Variants in ZNF157 observed in about 807,000 individuals in gnomAD.
The protein encoded by ZNF157 is zinc finger protein 22.
ZNF157 carries 8 observed loss-of-function variants against 9.4 expected under a neutral mutation model. The observed-to-expected ratio is 0.85, with a 90% CI of 0.50 to 1.53. ZNF157 has a LOEUF of 1.53. Ranked by LOEUF, ZNF157 falls within the 40% of genes most tolerant of loss-of-function variation. The probability of loss-of-function intolerance (pLI) is 0.00; values close to 1 mark genes in which losing one functional copy is unlikely to be tolerated. For missense variants in ZNF157, 316 were observed against 385.2 expected (o/e 0.82, Z 1.50); for synonymous variants, 120 against 130.8 (o/e 0.92, Z 0.56).
rs767450303 is a variant in ZNF157 at position 47,404,439 on chromosome X, A to G, written c.73-5837A>G. On this transcript the variant is annotated intron_variant, in intron 1 of 3. Coordinates refer to ENST00000377073, the MANE Select transcript of ZNF157 (RefSeq NM_003446.4). ...CTCGGCCTCCCAAAATGCTGGGATT[A>G]CAGGCTTGAGCCACCGCACCTGGCA... Among the ~76,000 whole-genome samples, 3 of 110,577 alleles carry G rather than the reference A, an allele frequency of 2.7e-5. No homozygotes were observed. The East Asian group carries it at 8.7e-4, about 32-fold the overall frequency.
intron 1 of ZNF157, among the ~76,000 whole-genome samples, chrX:47,381,229 G>GAGGAGC (rs2055862630): frequency 9.1e-6 from 1 of 109,945 alleles, no homozygotes; most frequent in Admixed American, 9.8e-5. Flanking sequence ...GCAGGAGGAA[G>GAGGAGC]AGGAGCAGGA....
chrX:47,377,586 C>A (rs1202328900), intron 1 of ZNF157, among the ~76,000 whole-genome samples: 1 of 109,894 alleles, frequency 9.1e-6, no homozygotes, highest in African/African-American at 3.3e-5. Context: ...CATGTGCCAC[C>A]ATGCCTGGCT....
In ZNF157 at chrX:47,412,997, GA is replaced by G. The variant is rs1569261574; in HGVS notation, c.929del (p.Asn310ThrfsTer8). 1 of 1,208,512 alleles carries G rather than the reference GA, an allele frequency of 8.3e-7. No homozygotes were observed. On this transcript the variant is annotated frameshift_variant, in exon 4 of 4. Transcript: ENST00000377073. LOFTEE classifies it low-confidence loss of function (END_TRUNC). ...AACCTTATGAATGTGGGGAGTGTGGGAAAAACTTCCGTGCAAAGAAATCCCT... is the reference window on the plus strand; with the variant it reads ...AACCTTATGAATGTGGGGAGTGTGGGAAAACTTCCGTGCAAAGAAATCCCT... ...EKPYECGECG[K>X]NFRAKKSLNQ...
intron 1 of ZNF157, among the ~76,000 whole-genome samples, chrX:47,408,725 A>T (rs2055954572): frequency 8.9e-6 from 1 of 111,937 alleles, no homozygotes. Context: ...CAGCAGGCAC[A>T]TCTTACATGG....
chrX:47,411,914 T>G (rs189670057), intron 3 of ZNF157, among the ~76,000 whole-genome samples: 1 of 111,464 alleles, frequency 9.0e-6, no homozygotes, highest in East Asian at 2.8e-4. Context: ...AGAAAATCAG[T>G]GCAAGGTAAG....
chrX:47,373,831 G>T (rs1229309491), intron 1 of ZNF157, among the ~76,000 whole-genome samples: 1 of 104,234 alleles, frequency 9.6e-6, no homozygotes, highest in Admixed American at 1.1e-4. Context: ...AGGACCACAG[G>T]TGTGTGCCAC....
chrX:47,397,699 G>T, intron 1 of ZNF157, among the ~76,000 whole-genome samples: 1 of 111,882 alleles, frequency 8.9e-6, no homozygotes, highest in Non-Finnish European at 1.9e-5. Flanking sequence ...ACAGGCGTGA[G>T]CCACCGTGCC....
intron 1 of ZNF157, among the ~76,000 whole-genome samples, chrX:47,394,916 T>A (rs1417741290): frequency 9.0e-6 from 1 of 111,351 alleles, no homozygotes; most frequent in Non-Finnish European, 1.9e-5. Context: ...CTTCCCAGGC[T>A]CAAGTGATCC....
chrX:47,411,665 G>A (rs181008373), intron 3 of ZNF157, among the ~76,000 whole-genome samples: 29 of 111,216 alleles, frequency 2.6e-4, no homozygotes, highest in Admixed American at 1.5e-3. Flanking sequence ...ACCACACCTG[G>A]CAACATTTAT....
At chrX:47,402,042 C>T (rs948705139) in intron 1 of ZNF157, among the ~76,000 whole-genome samples, 7 of 111,592 alleles carry the variant, frequency 6.3e-5, no homozygotes, top group South Asian at 3.8e-4. Context: ...TGACCGAGAA[C>T]GGTAGCTTTA....
chrX:47,403,940 C>T (rs1317118187), intron 1 of ZNF157, among the ~76,000 whole-genome samples: 4 of 111,062 alleles, frequency 3.6e-5, no homozygotes, highest in African/African-American at 1.3e-4. Flanking sequence ...GAGGCCGAGG[C>T]GGGCAGATCA....
At chrX:47,375,403 C>A (rs768019471) in intron 1 of ZNF157, among the ~76,000 whole-genome samples, 15 of 110,512 alleles carry the variant, frequency 1.4e-4, no homozygotes, top group Non-Finnish European at 2.3e-4. Context: ...CAACCCCCCC[C>A]ACAACTGGTG....
intron 1 of ZNF157, among the ~76,000 whole-genome samples, chrX:47,371,697 T>A (rs894876196): frequency 9.0e-6 from 1 of 111,239 alleles, no homozygotes; most frequent in Admixed American, 9.6e-5. Flanking sequence ...AACCTCTGCT[T>A]CCCGGGTTCA....
chrX:47,398,206 T>A (rs910570634), intron 1 of ZNF157, among the ~76,000 whole-genome samples: 2 of 110,891 alleles, frequency 1.8e-5, no homozygotes, highest in Non-Finnish European at 3.8e-5. Flanking sequence ...TCACACCATA[T>A]ATTAAATGCG....
intron 1 of ZNF157, among the ~76,000 whole-genome samples, chrX:47,389,517 A>AT (rs1011705738): frequency 1.8e-5 from 2 of 111,421 alleles, no homozygotes; most frequent in Non-Finnish European, 3.8e-5. Flanking sequence ...TGCCTGGCTA[A>AT]TTTTTTAATT....
chrX:47,400,848 G>T (rs1323105561), intron 1 of ZNF157, among the ~76,000 whole-genome samples: 2 of 110,844 alleles, frequency 1.8e-5, no homozygotes, highest in Non-Finnish European at 3.8e-5. Context: ...GTAGAGATGG[G>T]TTCTCCCTGT....
intron 1 of ZNF157, among the ~76,000 whole-genome samples, chrX:47,373,086 C>G (rs930968766): frequency 1.8e-5 from 2 of 108,558 alleles, no homozygotes; most frequent in African/African-American, 6.7e-5. Context: ...TGTAATCCAG[C>G]TACTCGGGAG....
intron 1 of ZNF157, among the ~76,000 whole-genome samples, chrX:47,409,809 A>C (rs1253716299): frequency 1.4e-5 from 1 of 70,935 alleles, no homozygotes; most frequent in Non-Finnish European, 2.6e-5. Context: ...ACACCCAGCT[A>C]ATTTTTGTAT....
At chrX:47,388,456 C>T (rs1183439331) in intron 1 of ZNF157, among the ~76,000 whole-genome samples, 1 of 108,693 alleles carries the variant, frequency 9.2e-6, no homozygotes, top group Non-Finnish European at 1.9e-5. Flanking sequence ...GGACCACAGG[C>T]GCACACCAAC....
Sources: gnomAD v4.1 joint callset for allele counts (sites outside exome capture counted in the v4.1 genomes callset) on GRCh38, gnomAD v4.1.1 for gene constraint, MANE v1.5 for transcripts, NCBI Gene and HGNC (gene_info 2026-07-23, HGNC 2026-07-21) for gene names.